DLGAP1: variants seen among roughly 807,000 people sequenced by gnomAD.
DLGAP1 encodes the protein disks large-associated protein 1.
DLGAP1 carries 11 observed loss-of-function variants against 90.8 expected under a neutral mutation model. The ratio of observed to expected loss-of-function variants is 0.12; its 90% CI spans 0.08 to 0.20. The LOEUF (loss-of-function observed/expected upper bound fraction) is 0.20. Ranked by LOEUF, DLGAP1 falls within the 10% of genes least tolerant of loss-of-function variation. The probability of loss-of-function intolerance (pLI) is 1.00; values close to 1 mark genes in which losing one functional copy is unlikely to be tolerated. For synonymous variants in DLGAP1, 558 were observed against 540.7 expected (o/e 1.03, Z -0.44); for missense variants, 1,050 against 1,333.8 (o/e 0.79, Z 3.31).
At chr18:4,313,263 T>C (rs1382446165) in intron 1 of DLGAP1, among the ~76,000 whole-genome samples, 1 of 152,214 alleles carries the variant, frequency 6.6e-6, no homozygotes, top group East Asian at 1.9e-4. Flanking sequence ...ATATGTGCTA[T>C]GGAATAAAGA....
chr18:3,965,662 TAC>T (rs1344268162), intron 3 of DLGAP1, among the ~76,000 whole-genome samples: 2 of 151,878 alleles, frequency 1.3e-5, no homozygotes, highest in Admixed American at 6.6e-5. Context: ...AATAATAGAG[TAC>T]AGGCCAGGCA....
intron 4 of DLGAP1, among the ~76,000 whole-genome samples, chr18:3,815,867 C>T (rs867110940): frequency 3.9e-5 from 6 of 152,102 alleles, no homozygotes; most frequent in Middle Eastern, 3.4e-3. Context: ...GACCAAAAAA[C>T]GGGGAGGCTG....
chr18:4,176,151 C>A (rs913271898), intron 1 of DLGAP1, among the ~76,000 whole-genome samples: 9 of 152,028 alleles, frequency 5.9e-5, no homozygotes, highest in Non-Finnish European at 8.8e-5. Flanking sequence ...ACATCCCTTG[C>A]TAGCTTGGTA....
At chr18:3,887,639 T>A (rs1157276117) in intron 3 of DLGAP1, among the ~76,000 whole-genome samples, 8 of 151,344 alleles carry the variant, frequency 5.3e-5, no homozygotes. Flanking sequence ...ATACATGACA[T>A]TTTTTTTTAG....
chr18:3,595,581 C>CT (rs1416415905), intron 7 of DLGAP1, among the ~76,000 whole-genome samples: 1 of 152,174 alleles, frequency 6.6e-6, no homozygotes, highest in Non-Finnish European at 1.5e-5. Flanking sequence ...ACCTAGGGCT[C>CT]TGAGTAAGAA....
intron 1 of DLGAP1, among the ~76,000 whole-genome samples, chr18:4,398,041 T>C (rs1390950733): frequency 6.6e-6 from 1 of 152,214 alleles, no homozygotes; most frequent in Non-Finnish European, 1.5e-5. Context: ...AAGGGGTATG[T>C]ACTCAGATGT....
At chr18:3,906,648 G>C (rs1044463678) in intron 3 of DLGAP1, among the ~76,000 whole-genome samples, 3 of 152,212 alleles carry the variant, frequency 2.0e-5, no homozygotes, top group Non-Finnish European at 2.9e-5. Flanking sequence ...AAAATGGTAA[G>C]CTGTGTAAAG....
chr18:3,658,889 T>G (rs1285991999), intron 7 of DLGAP1, among the ~76,000 whole-genome samples: 2 of 151,292 alleles, frequency 1.3e-5, no homozygotes, highest in East Asian at 3.9e-4. Flanking sequence ...CAAGAAAATT[T>G]AAACAAATCA....
rs113545463 is a variant in DLGAP1 at position 4,175,317 on chromosome 18, G to A, written c.-266-24030C>T. 7.7e-4 allele frequency among the ~76,000 whole-genome samples: 117 copies of A among 151,932 alleles called. 1 individual carries two copies. Among genetic ancestry groups the A allele is most frequent in the African/African-American group, 2.5e-3 (103 of 41,448 alleles). On this transcript the variant is annotated intron_variant, in intron 1 of 12. Transcript: ENST00000315677. Reference sequence around the variant, plus strand: ...GATTCCCTGTAAATTCTGGATATTCGACCTTTGTCAGATGGGTAGATTGCA... The same window carrying A: ...GATTCCCTGTAAATTCTGGATATTCAACCTTTGTCAGATGGGTAGATTGCA...
At chr18:4,343,795 T>C (rs2081252322) in intron 1 of DLGAP1, among the ~76,000 whole-genome samples, 2 of 152,310 alleles carry the variant, frequency 1.3e-5, no homozygotes, top group African/African-American at 2.4e-5. Flanking sequence ...ACTTAAAGTA[T>C]AATAAATTTT....
chr18:3,533,643 T>C (rs1015098613), intron 10 of DLGAP1, among the ~76,000 whole-genome samples: 1 of 152,164 alleles, frequency 6.6e-6, no homozygotes, highest in Admixed American at 6.5e-5. Flanking sequence ...GGTGTGATCA[T>C]AGCTCACTGC....
At chr18:4,159,845 C>CT (rs1049672760) in intron 1 of DLGAP1, among the ~76,000 whole-genome samples, 2 of 151,926 alleles carry the variant, frequency 1.3e-5, no homozygotes, top group Admixed American at 1.3e-4. Context: ...CTTGTTTGTA[C>CT]TTTTTTTTGG....
chr18:3,809,865 C>T (rs2066746146), intron 5 of DLGAP1, among the ~76,000 whole-genome samples: 1 of 152,116 alleles, frequency 6.6e-6, no homozygotes, highest in African/African-American at 2.4e-5. Context: ...TGGTAGCAGG[C>T]AGTAGTCTCA....
chr18:3,809,848 C>G (rs1395069456), intron 5 of DLGAP1, among the ~76,000 whole-genome samples: 1 of 152,148 alleles, frequency 6.6e-6, no homozygotes, highest in East Asian at 1.9e-4. Context: ...TTGGTTTTAA[C>G]TAATCATGGT....
chr18:4,326,138 C>A (rs1214146241), intron 1 of DLGAP1, among the ~76,000 whole-genome samples: 2 of 151,896 alleles, frequency 1.3e-5, no homozygotes, highest in Non-Finnish European at 2.9e-5. Context: ...TATCCAGAAT[C>A]TATAAGAAAC....
intron 2 of DLGAP1, among the ~76,000 whole-genome samples, chr18:4,026,009 T>C (rs1295147482): frequency 6.6e-6 from 1 of 152,226 alleles, no homozygotes; most frequent in Non-Finnish European, 1.5e-5. Context: ...AATCTAAGTG[T>C]CAAGACAGTC....
At chr18:4,179,049 C>T (rs981022567) in intron 1 of DLGAP1, among the ~76,000 whole-genome samples, 12 of 152,158 alleles carry the variant, frequency 7.9e-5, no homozygotes, top group Non-Finnish European at 1.5e-4. Flanking sequence ...AACAATAAAA[C>T]ATTTACATGT....
intron 1 of DLGAP1, among the ~76,000 whole-genome samples, chr18:4,433,091 C>A (rs1192323883): frequency 2.0e-5 from 3 of 152,138 alleles, no homozygotes; most frequent in Non-Finnish European, 2.9e-5. Flanking sequence ...CCATACAGTT[C>A]AAGCCGAGAT....
chr18:4,319,244 A>G (rs891433573), intron 1 of DLGAP1, among the ~76,000 whole-genome samples: 5 of 152,230 alleles, frequency 3.3e-5, no homozygotes, highest in African/African-American at 1.2e-4. Flanking sequence ...CAGTTTAAAA[A>G]TTTATAAATG....
Sources: gnomAD v4.1 joint callset for allele counts (sites outside exome capture counted in the v4.1 genomes callset) on GRCh38, gnomAD v4.1.1 for gene constraint, MANE v1.5 for transcripts, NCBI Gene and HGNC (gene_info 2026-07-23, HGNC 2026-07-21) for gene names.